The following HSD17B3 variants were observed in gnomAD, a reference collection of about 807,000 sequenced individuals.
HSD17B3 encodes hydroxysteroid 17-beta dehydrogenase 3.
Under a neutral mutation model 41.1 loss-of-function variants are expected in HSD17B3, and 29 were observed. That is an observed-to-expected ratio of 0.71 (90% CI 0.53 to 0.96). HSD17B3 has a LOEUF of 0.96. Ranked by LOEUF, HSD17B3 falls within the 40% of genes least tolerant of loss-of-function variation. The pLI is 0.00. For missense variants in HSD17B3, 323 were observed against 374.6 expected (o/e 0.86, Z 1.14); for synonymous variants, 126 against 145.6 (o/e 0.87, Z 0.97).
chr9:96,270,959 G>C lies in HSD17B3; in HGVS notation c.202-16016C>G, dbSNP rs574976788. ...AAGATCTCTCAAATCCTCTCGGGGG[G>C]GGGGGTTAAGATTGATATTATCAAA... On this transcript the variant is annotated intron_variant, in intron 2 of 10. Coordinates refer to ENST00000375263, the MANE Select transcript of HSD17B3 (RefSeq NM_000197.2). 3.0e-3 allele frequency among the ~76,000 whole-genome samples: 441 copies of C among 147,488 alleles called. 6 individuals are homozygous for C. The highest frequency in any genetic ancestry group is 0.01 in the Middle Eastern group (3 of 286).
rs144809928 is a variant in HSD17B3 at position 96,235,548 on chromosome 9, G to C, written c.845C>G (p.Pro282Arg). The C allele has an allele frequency of 6.2e-7, 1 of 1,614,038 alleles. No homozygotes were observed. The highest frequency in any genetic ancestry group is 8.5e-7 in the Non-Finnish European group (1 of 1,180,000). The change falls in exon 11 of 11, where the codon CCG (proline) becomes CGG (arginine). Residue 282 changes from proline to arginine, a missense_variant. Transcript: ENST00000375263. Reference protein sequence around the residue: ...EILAGFLSLIPAWAFYSGAFQ... With the variant: ...EILAGFLSLIRAWAFYSGAFQ... ...GGCACCGCTGTAGAAGGCCCAGGCC[G>C]GGATCAGGCTCAGAAAGCCCGCCTT...
At chr9:96,276,247 A>G (rs1587764210) in intron 2 of HSD17B3, among the ~76,000 whole-genome samples, 1 of 152,156 alleles carries the variant, frequency 6.6e-6, no homozygotes, top group East Asian at 1.9e-4. Flanking sequence ...GAAGGAAATG[A>G]AAGAAGACAC....
At chr9:96,246,618 G>C (rs201028677) in intron 6 of HSD17B3, 28 bp from the exon 7 acceptor site, 1 of 1,611,284 alleles carries the variant, frequency 6.2e-7, no homozygotes. Flanking sequence ...AGGTAAGCCC[G>C]ACAAGGAACT....
Position 96,235,390 on chromosome 9 carries a change from C to G in HSD17B3, c.*70G>C. 1 of 1,051,660 alleles carries G rather than the reference C, an allele frequency of 9.5e-7. No homozygotes were observed. Among genetic ancestry groups the G allele is most frequent in the East Asian group, 2.5e-5 (1 of 40,046 alleles). The allele number at this position is 1,051,660 out of a possible 1,614,324, so 65.1% of individuals were successfully genotyped here. On this transcript the variant is annotated 3_prime_UTR_variant, in exon 11 of 11. Transcript: ENST00000375263. ...CGGACTAGGTTGAAGTGCTGGTCTG[C>G]TCCTCTGGTCCTCTTCAGCCAGCAT...
rs565907097 is a variant in HSD17B3, at chr9:96,264,256, A to C, written c.202-9313T>G. Among the ~76,000 whole-genome samples the C allele has an allele frequency of 4.0e-4, 61 of 152,294 alleles. 1 individual carries two copies. The highest frequency in any genetic ancestry group is 1.3e-3 in the African/African-American group (55 of 41,570). ...GCACACAAAACAATAAACATTTTCTAAAAATACCTACAAACAAAAAGATGC... is the reference window on the plus strand; with the variant it reads ...GCACACAAAACAATAAACATTTTCTCAAAATACCTACAAACAAAAAGATGC... On this transcript the variant is annotated intron_variant, in intron 2 of 10. Coordinates refer to ENST00000375263, the MANE Select transcript of HSD17B3 (RefSeq NM_000197.2).
chr9:96,257,173 T>C (rs749852724), intron 2 of HSD17B3, among the ~76,000 whole-genome samples: 3 of 152,214 alleles, frequency 2.0e-5, no homozygotes, highest in Non-Finnish European at 2.9e-5. Flanking sequence ...CTTTTCTTTA[T>C]AAATTACCCA....
intron 10 of HSD17B3, among the ~76,000 whole-genome samples, chr9:96,240,194 C>T (rs761216750): frequency 1.3e-5 from 2 of 152,134 alleles, no homozygotes. Flanking sequence ...ACCTATGTAA[C>T]AAACCTGCAC....
At chr9:96,272,800 G>C (rs1826316601) in intron 2 of HSD17B3, among the ~76,000 whole-genome samples, 1 of 151,956 alleles carries the variant, frequency 6.6e-6, no homozygotes, top group Admixed American at 6.6e-5. Flanking sequence ...GCCAAAAACT[G>C]GAAATAGCCG....
At chr9:96,291,010 T>G (rs1037142097) in intron 2 of HSD17B3, among the ~76,000 whole-genome samples, 5 of 152,002 alleles carry the variant, frequency 3.3e-5, no homozygotes, top group Non-Finnish European at 5.9e-5. Context: ...CAGTAAAGGC[T>G]GGGTGGGGAG....
chr9:96,236,740 C>A (rs1450028266), intron 10 of HSD17B3, among the ~76,000 whole-genome samples: 11 of 152,030 alleles, frequency 7.2e-5, no homozygotes. Context: ...GTATTTCAGG[C>A]TGTAGGTACG....
At chr9:96,253,608 G>A (rs1478061514) in intron 3 of HSD17B3, among the ~76,000 whole-genome samples, 2 of 152,066 alleles carry the variant, frequency 1.3e-5, no homozygotes, top group Admixed American at 6.6e-5. Flanking sequence ...CGTTCAATGC[G>A]CTCCCCACTA....
intron 2 of HSD17B3, among the ~76,000 whole-genome samples, chr9:96,272,857 A>C (rs1826318182): frequency 6.6e-6 from 1 of 152,190 alleles, no homozygotes; most frequent in African/African-American, 2.4e-5. Flanking sequence ...TGGTTCATCC[A>C]TACCATGGAA....
At chr9:96,297,307 GC>G (rs111848051) in intron 2 of HSD17B3, among the ~76,000 whole-genome samples, 4 of 145,982 alleles carry the variant, frequency 2.7e-5, no homozygotes, top group African/African-American at 1.0e-4. Flanking sequence ...AAATGGAAAA[GC>G]TTTTCATTAT....
intron 2 of HSD17B3, among the ~76,000 whole-genome samples, chr9:96,259,700 G>A (rs965949749): frequency 5.4e-5 from 8 of 147,344 alleles, no homozygotes; most frequent in Non-Finnish European, 1.0e-4. Flanking sequence ...CAGCCTGGGC[G>A]ACAGAACAAG....
rs1564048566 is a variant in HSD17B3 at position 96,272,437 on chromosome 9, ATATATATAT to A, written c.202-17503_202-17495del. On this transcript the variant is annotated intron_variant, in intron 2 of 10. Coordinates refer to ENST00000375263, the MANE Select transcript of HSD17B3 (RefSeq NM_000197.2). ...TATATATATATATATATATATATAT[ATATATATAT>A]AAAATATATATGAATATAATATATA... Among the ~76,000 whole-genome samples the A allele has an allele frequency of 2.1e-4, 20 of 96,546 alleles. 1 individual carries two copies. Among genetic ancestry groups the A allele is most frequent in the East Asian group, 6.8e-4 (2 of 2,948 alleles). 63.3% of individuals were successfully genotyped at this position (96,546 alleles called of 152,430 possible). A position where few individuals can be genotyped will look rare whatever the true frequency, so the allele number is the denominator to read the frequency against.
chr9:96,262,622 A>G (rs536391940), intron 2 of HSD17B3, among the ~76,000 whole-genome samples: 76 of 152,320 alleles, frequency 5.0e-4, no homozygotes, highest in African/African-American at 1.7e-3. Flanking sequence ...GCCCAGTATT[A>G]ATAATCTGAA....
At chr9:96,246,316 G>C (rs532984501) in intron 7 of HSD17B3, 1 of 599,428 alleles carries the variant, frequency 1.7e-6, no homozygotes, top group Non-Finnish European at 3.0e-6. Context: ...TGAAACTGCC[G>C]TTCTCTTCCT....
chr9:96,258,912 G>A (rs1040479403), intron 2 of HSD17B3, among the ~76,000 whole-genome samples: 1 of 152,150 alleles, frequency 6.6e-6, no homozygotes, highest in African/African-American at 2.4e-5. Flanking sequence ...CACAAAAGAA[G>A]TCTGTTTCTG....
At chr9:96,295,342 G>A (rs1158178384) in intron 2 of HSD17B3, among the ~76,000 whole-genome samples, 3 of 140,968 alleles carry the variant, frequency 2.1e-5, no homozygotes, top group South Asian at 4.5e-4. Context: ...TTTTGTTTTT[G>A]TTTTTGTTTC....
Sources: allele counts gnomAD v4.1 joint callset (sites outside exome capture counted in the v4.1 genomes callset), GRCh38; gene constraint gnomAD v4.1.1; transcripts MANE v1.5; gene names NCBI Gene and HGNC (gene_info 2026-07-23, HGNC 2026-07-21).